ABL2: variants seen among roughly 807,000 people sequenced by gnomAD.
The protein encoded by ABL2 is ABL proto-oncogene 2, non-receptor tyrosine kinase.
In ABL2, 49 loss-of-function variants were observed where a neutral mutation model predicts 107.7. That is an observed-to-expected ratio of 0.45 (90% CI 0.36 to 0.58). ABL2 has a LOEUF of 0.58. Ranked by LOEUF, ABL2 falls within the 20% of genes least tolerant of loss-of-function variation. The pLI, the probability that ABL2 is intolerant of heterozygous loss-of-function variation, is 0.00. For synonymous variants in ABL2, 549 were observed against 548.6 expected (o/e 1.00, Z -0.01); for missense variants, 1,245 against 1,457.0 (o/e 0.85, Z 2.37).
chr1:179,125,773 A>G (rs1471859736), intron 4 of ABL2, among the ~76,000 whole-genome samples: 2 of 152,240 alleles, frequency 1.3e-5, no homozygotes, highest in Non-Finnish European at 2.9e-5. Flanking sequence ...CCTATCACAT[A>G]GAGGAGAATA....
intron 1 of ABL2, among the ~76,000 whole-genome samples, chr1:179,155,396 C>T (rs1278322356): frequency 6.6e-6 from 1 of 152,148 alleles, no homozygotes; most frequent in African/African-American, 2.4e-5. Context: ...CAAATTTTTC[C>T]AAAGTGAATG....
chr1:179,190,964 G>A (rs1380805160), intron 1 of ABL2, among the ~76,000 whole-genome samples: 1 of 152,098 alleles, frequency 6.6e-6, no homozygotes, highest in African/African-American at 2.4e-5. Flanking sequence ...GGAGTTGAGA[G>A]GAAAAAGCGT....
intron 1 of ABL2, among the ~76,000 whole-genome samples, chr1:179,134,742 G>A (rs2816196): frequency 6.6e-6 from 1 of 151,564 alleles, no homozygotes; most frequent in Non-Finnish European, 1.5e-5. Flanking sequence ...CTCCACGGTC[G>A]CCCTCTCCCT....
chr1:179,211,027 T>C (rs1409266624), intron 1 of ABL2, among the ~76,000 whole-genome samples: 2 of 152,008 alleles, frequency 1.3e-5, no homozygotes, highest in East Asian at 3.8e-4. Context: ...CCACAGCATA[T>C]AGCCAAGATG....
chr1:179,167,407 G>T (rs141847338), intron 1 of ABL2, among the ~76,000 whole-genome samples: 1 of 152,120 alleles, frequency 6.6e-6, no homozygotes, highest in East Asian at 1.9e-4. Context: ...GTGGGAGGTG[G>T]GAATGAAGAG....
intron 1 of ABL2, 70 bp downstream of exon 1, chr1:179,229,171 C>CCCCCCCCCCCCCCCCA: frequency 3.1e-6 from 1 of 326,304 alleles, no homozygotes; most frequent in Non-Finnish European, 6.1e-6. Context: ...AGCCCGTCCG[C>CCCCCCCCCCCCCCCCA]CACCCACCCC....
intron 1 of ABL2, among the ~76,000 whole-genome samples, chr1:179,162,649 A>G (rs1437422871): frequency 6.6e-6 from 1 of 152,226 alleles, no homozygotes; most frequent in Admixed American, 6.5e-5. Context: ...AATGTATCTC[A>G]GATTTCTTTT....
chr1:179,184,559 A>T, intron 1 of ABL2: 1 of 574,470 alleles, frequency 1.7e-6, no homozygotes, highest in Non-Finnish European at 3.1e-6. Context: ...ATGGATGAAG[A>T]AGGAGGAGAA....
intron 11 of ABL2, among the ~76,000 whole-genome samples, chr1:179,110,034 C>T (rs529777970): frequency 6.6e-6 from 1 of 152,152 alleles, no homozygotes; most frequent in Non-Finnish European, 1.5e-5. Flanking sequence ...TCTCCTCTAT[C>T]GGGTTCAGCG....
chr1:179,176,346 T>C (rs1182713527), intron 1 of ABL2, among the ~76,000 whole-genome samples: 1 of 152,204 alleles, frequency 6.6e-6, no homozygotes, highest in Non-Finnish European at 1.5e-5. Flanking sequence ...TATAACTGGA[T>C]TGTTTTCAAC....
At chr1:179,171,539 T>G (rs1205946909) in intron 1 of ABL2, among the ~76,000 whole-genome samples, 2 of 152,214 alleles carry the variant, frequency 1.3e-5, no homozygotes, top group African/African-American at 4.8e-5. Context: ...GTCACCCAGC[T>G]TCAGTGCAGT....
intron 1 of ABL2, among the ~76,000 whole-genome samples, chr1:179,165,154 TAA>T (rs1659306111): frequency 6.6e-6 from 1 of 152,310 alleles, no homozygotes; most frequent in Admixed American, 6.5e-5. Flanking sequence ...ACACAGCATG[TAA>T]AAGTTATAAA....
intron 1 of ABL2, among the ~76,000 whole-genome samples, chr1:179,181,850 G>A (rs891007303): frequency 6.6e-6 from 1 of 151,206 alleles, no homozygotes; most frequent in Non-Finnish European, 1.5e-5. Context: ...GCATGATCTC[G>A]GCTCACTGCA....
chr1:179,198,779 A>G (rs1661486751), intron 1 of ABL2, among the ~76,000 whole-genome samples: 1 of 151,584 alleles, frequency 6.6e-6, no homozygotes, highest in Non-Finnish European at 1.5e-5. Context: ...CTTTTCAAAC[A>G]TGAAAACATG....
At chr1:179,210,106 T>C (rs1230947754) in intron 1 of ABL2, among the ~76,000 whole-genome samples, 1 of 152,164 alleles carries the variant, frequency 6.6e-6, no homozygotes, top group Non-Finnish European at 1.5e-5. Flanking sequence ...TCAAGCAATC[T>C]TCCCCCTCAG....
chr1:179,118,045 C>T lies in ABL2; in HGVS notation c.1224-529G>A, dbSNP rs141485987. Among the ~76,000 whole-genome samples, 37 of 151,744 alleles carry T rather than the reference C, an allele frequency of 2.4e-4. No individual in the cohort carries two copies. In the East Asian group the frequency reaches 4.5e-3, roughly 18 times the overall value. ...GCATATTCCCGTAATCCCAGCTACT[C>T]AGGAGGCTGAGGTGGGAGGATGGCT... On this transcript the variant is annotated intron_variant, in intron 7 of 11. Transcript: ENST00000502732.
chr1:179,142,379 A>G (rs1312030698), intron 1 of ABL2, among the ~76,000 whole-genome samples: 1 of 152,242 alleles, frequency 6.6e-6, no homozygotes, highest in Non-Finnish European at 1.5e-5. Context: ...TGAAAAAGTT[A>G]AAACCCAAAA....
chr1:179,152,389 A>G (rs1658415316), intron 1 of ABL2, among the ~76,000 whole-genome samples: 1 of 152,204 alleles, frequency 6.6e-6, no homozygotes, highest in Non-Finnish European at 1.5e-5. Flanking sequence ...CTTCTCTGAG[A>G]GTATTTTTAG....
At chr1:179,138,940 G>A (rs1371747120) in intron 1 of ABL2, among the ~76,000 whole-genome samples, 1 of 152,228 alleles carries the variant, frequency 6.6e-6, no homozygotes, top group Non-Finnish European at 1.5e-5. Flanking sequence ...CACACTCGGA[G>A]CAGCCAGCCA....
Sources: allele counts gnomAD v4.1 joint callset (sites outside exome capture counted in the v4.1 genomes callset), GRCh38; gene constraint gnomAD v4.1.1; transcripts MANE v1.5; gene names NCBI Gene and HGNC (gene_info 2026-07-23, HGNC 2026-07-21).